The following FBXW11 variants were observed in gnomAD, a reference collection of about 807,000 sequenced individuals.
FBXW11 encodes the protein F-box and WD repeat domain containing 11, also known as F-box/WD repeat-containing protein 11.
In FBXW11, 19 loss-of-function variants were observed where a neutral mutation model predicts 77.6. The ratio of observed to expected loss-of-function variants is 0.24; its 90% CI spans 0.17 to 0.36. The LOEUF (loss-of-function observed/expected upper bound fraction) is 0.36, where lower values mean the gene tolerates loss of function less well. Ranked by LOEUF, FBXW11 falls within the 10% of genes least tolerant of loss-of-function variation. The pLI, the probability that FBXW11 is intolerant of heterozygous loss-of-function variation, is 1.00. For missense variants in FBXW11, 334 were observed against 704.2 expected (o/e 0.47, Z 5.95); for synonymous variants, 235 against 249.4 (o/e 0.94, Z 0.54).
intron 2 of FBXW11, among the ~76,000 whole-genome samples, chr5:171,941,896 G>T (rs1436290292): frequency 6.6e-6 from 1 of 150,684 alleles, no homozygotes; most frequent in African/African-American, 2.4e-5. Flanking sequence ...TGTTCATTAA[G>T]ATCATGTGAT....
chr5:171,989,751 T>A (rs1039800646), intron 1 of FBXW11, among the ~76,000 whole-genome samples: 4 of 152,242 alleles, frequency 2.6e-5, no homozygotes, highest in African/African-American at 9.6e-5. Context: ...TTTGTTTGTT[T>A]TAAAGAAGTG....
chr5:171,978,363 C>A (rs1764955478), intron 1 of FBXW11, among the ~76,000 whole-genome samples: 1 of 152,100 alleles, frequency 6.6e-6, no homozygotes, highest in Non-Finnish European at 1.5e-5. Context: ...GTGCCCTCCA[C>A]ATATATAAGT....
At chr5:171,995,251 A>G (rs140156035) in intron 1 of FBXW11, among the ~76,000 whole-genome samples, 2 of 152,332 alleles carry the variant, frequency 1.3e-5, no homozygotes, top group East Asian at 3.9e-4. Context: ...AATAATAAAT[A>G]CTGAGGAGGA....
chr5:171,892,972 G>A (rs1384078518), intron 6 of FBXW11, among the ~76,000 whole-genome samples: 1 of 152,120 alleles, frequency 6.6e-6, no homozygotes, highest in Non-Finnish European at 1.5e-5. Context: ...ATCCTTCTGT[G>A]CACTCTAAAA....
At chr5:172,000,602 A>G (rs1037256577) in intron 1 of FBXW11, among the ~76,000 whole-genome samples, 2 of 152,204 alleles carry the variant, frequency 1.3e-5, no homozygotes, top group African/African-American at 4.8e-5. Context: ...CCTTTTCCAC[A>G]CCATCGGTCT....
chr5:171,870,423 G>A (rs1034226864), intron 11 of FBXW11, among the ~76,000 whole-genome samples: 1 of 151,874 alleles, frequency 6.6e-6, no homozygotes. Context: ...AAAGAGCCTG[G>A]CTTAATTTAG....
At chr5:171,907,955 C>T (rs1009990822) in intron 4 of FBXW11, among the ~76,000 whole-genome samples, 4 of 152,236 alleles carry the variant, frequency 2.6e-5, no homozygotes, top group Non-Finnish European at 4.4e-5. Flanking sequence ...AGTTCCCTGG[C>T]CCTCTAAAAC....
chr5:171,963,845 G>A (rs1302196459), intron 1 of FBXW11, among the ~76,000 whole-genome samples: 3 of 152,190 alleles, frequency 2.0e-5, no homozygotes, highest in Admixed American at 2.0e-4. Context: ...CTGCTCAACA[G>A]TAACCCAATG....
At position 171,862,116 on chromosome 5, in the gene FBXW11, T is replaced by C. The variant is rs1425985106; in HGVS notation, c.*2011A>G. 2 of 152,596 alleles carry C rather than the reference T, an allele frequency of 1.3e-5. No individual in the cohort carries two copies. The highest frequency in any genetic ancestry group is 6.5e-5 in the Admixed American group (1 of 15,276). 9.5% of individuals were successfully genotyped at this position (152,596 alleles called of 1,614,324 possible). A position where few individuals can be genotyped will look rare whatever the true frequency, so the allele number is the denominator to read the frequency against. On this transcript the variant is annotated 3_prime_UTR_variant, in exon 14 of 14. Coordinates refer to ENST00000517395, the MANE Select transcript of FBXW11 (RefSeq NM_001378974.1). ...ATCCATTCATTCATTCAGAATTGCC[T>C]CCTCCCCTGCCCCCTCCCTTCCCCC...
intron 12 of FBXW11, 131 bp from the exon 13 acceptor site, chr5:171,868,927 T>C: frequency 5.7e-6 from 4 of 705,348 alleles, no homozygotes; most frequent in Non-Finnish European, 9.0e-6. Flanking sequence ...CAGAGCTCAC[T>C]GAACTGTGTC....
At chr5:171,923,428 CTTAT>C (rs1761707061) in intron 2 of FBXW11, among the ~76,000 whole-genome samples, 1 of 152,102 alleles carries the variant, frequency 6.6e-6, no homozygotes, top group Non-Finnish European at 1.5e-5. Flanking sequence ...TGTTTCCTTT[CTTAT>C]TTATGCTGTC....
chr5:171,891,926 C>T (rs73801498), intron 6 of FBXW11, among the ~76,000 whole-genome samples: 95 of 152,192 alleles, frequency 6.2e-4, no homozygotes, highest in African/African-American at 2.2e-3. Flanking sequence ...TAAATAGTAA[C>T]TCATTGGGTC....
intron 1 of FBXW11, among the ~76,000 whole-genome samples, chr5:171,983,768 T>A (rs143538172): frequency 1.3e-5 from 2 of 152,130 alleles, no homozygotes; most frequent in African/African-American, 2.4e-5. Flanking sequence ...AAGCTAAATA[T>A]ATGCCTACCC....
At chr5:171,958,847 A>G (rs1228993435) in intron 1 of FBXW11, among the ~76,000 whole-genome samples, 2 of 152,202 alleles carry the variant, frequency 1.3e-5, no homozygotes, top group Non-Finnish European at 2.9e-5. Context: ...CTTGGACCCA[A>G]GCTCATAAAC....
chr5:171,915,860 C>A (rs930183262), intron 2 of FBXW11, among the ~76,000 whole-genome samples: 3 of 151,944 alleles, frequency 2.0e-5, no homozygotes, highest in African/African-American at 7.3e-5. Context: ...CAATGATAGA[C>A]TAGATTAAGA....
At chr5:171,888,255 AG>A (rs1759050579) in intron 7 of FBXW11, among the ~76,000 whole-genome samples, 1 of 152,240 alleles carries the variant, frequency 6.6e-6, no homozygotes, top group South Asian at 2.1e-4. Context: ...GAAGAGACTT[AG>A]GGAAATCCAA....
chr5:171,869,764 C>T lies in FBXW11; in HGVS notation c.1495G>A (p.Ala499Thr). Residue 499 changes from alanine to threonine, a missense_variant, in exon 12 of 14, where the codon GCC becomes ACC. Physicochemically the swap from Ala to Thr is moderately conservative, Grantham distance 58 (BLOSUM62 0). Coordinates refer to ENST00000517395, the MANE Select transcript of FBXW11 (RefSeq NM_001378974.1). The surrounding 1 kb of genome is among the most constrained non-coding windows in gnomAD (Gnocchi z 4.1). Reference sequence around the variant, plus strand: ...CGCAAACACAATGTGCTTGCTGGGGCTCGAGGGTCAAGAGCAGCTTGCAAG... The same window carrying T: ...CGCAAACACAATGTGCTTGCTGGGGTTCGAGGGTCAAGAGCAGCTTGCAAG... The part of the protein sequence containing the change: ...WDLQAALDPR[A>T]PASTLCLRTL... The T allele has an allele frequency of 1.9e-6, 3 of 1,611,326 alleles. No homozygotes were observed. The highest frequency in any genetic ancestry group is 2.5e-6 in the Non-Finnish European group (3 of 1,178,556).
chr5:171,908,297 T>A (rs1246687450), intron 4 of FBXW11, among the ~76,000 whole-genome samples: 1 of 152,144 alleles, frequency 6.6e-6, no homozygotes, highest in African/African-American at 2.4e-5. Context: ...CCCTCATAAT[T>A]AAAAGTGAGA....
At chr5:171,986,205 T>G (rs898926381) in intron 1 of FBXW11, among the ~76,000 whole-genome samples, 2 of 151,376 alleles carry the variant, frequency 1.3e-5, no homozygotes, top group African/African-American at 4.9e-5. Flanking sequence ...GCCAGGAGTT[T>G]GAGACCAGCC....
Sources: gnomAD v4.1 joint callset for allele counts (sites outside exome capture counted in the v4.1 genomes callset) on GRCh38, gnomAD v4.1.1 for gene constraint, Gnocchi (gnomAD v3.1) non-coding constraint, MANE v1.5 for transcripts, NCBI Gene and HGNC (gene_info 2026-07-23, HGNC 2026-07-21) for gene names.